MUC12: variants seen among roughly 807,000 people sequenced by gnomAD.
The protein encoded by MUC12 is mucin 12, cell surface associated.
MUC12 carries 172 observed loss-of-function variants against 230.8 expected under a neutral mutation model. The observed-to-expected ratio is 0.75, with a 90% CI of 0.66 to 0.85. The LOEUF (loss-of-function observed/expected upper bound fraction) is 0.85. Among genes scored for constraint, MUC12 ranks in the 40% least tolerant of loss-of-function variants. The pLI is 0.00. For missense variants in MUC12, 3,506 were observed against 5,920.6 expected (o/e 0.59, Z 13.38); for synonymous variants, 1,259 against 2,401.9 (o/e 0.52, Z 13.91).
chr7:101,012,145 G>A lies in MUC12; in HGVS notation c.15252-151G>A, dbSNP rs563071837. The A allele has an allele frequency of 1.1e-4, 78 of 728,082 alleles. 2 individuals are homozygous for A. The Middle Eastern group carries it at 1.4e-3, about 13-fold the overall frequency. The allele number at this position is 728,082 out of a possible 1,614,324, so 45.1% of individuals were successfully genotyped here. On this transcript the variant is annotated intron_variant, in intron 5 of 11. Coordinates refer to ENST00000536621, the MANE Select transcript of MUC12 (RefSeq NM_001164462.2). The stretch of plus-strand genomic sequence containing the variant: ...CGTTTCGCTCTCCTCCCTCTGTCTG[G>A]GTGGTTAGCTGCTGGAGGGAAGACT...
chr7:101,009,270 G>C, intron 5 of MUC12, 111 bp downstream of exon 5: 1 of 1,096,282 alleles, frequency 9.1e-7, no homozygotes, highest in South Asian at 1.4e-5. Flanking sequence ...TTGGGTCAGA[G>C]AGTCCTGCAG....
Position 101,002,764 on chromosome 7 carries a change from C to CGCTTGTGGAGCTGGCAGGGG in MUC12, c.12201_12202insGCTTGTGGAGCTGGCAGGGG (p.Ser4068AlafsTer124). 1 of 1,188,258 alleles carries CGCTTGTGGAGCTGGCAGGGG rather than the reference C, an allele frequency of 8.4e-7. No individual in the cohort carries two copies. Among genetic ancestry groups the CGCTTGTGGAGCTGGCAGGGG allele is most frequent in the Non-Finnish European group, 1.2e-6 (1 of 847,044 alleles). 73.6% of individuals were successfully genotyped at this position (1,188,258 alleles called of 1,614,324 possible). ...TACACACAACACTGACCCCTGCCAGCTCCACAAGCACTGGCCTTCAGGAAG... is the reference window on the plus strand; with the variant it reads ...TACACACAACACTGACCCCTGCCAGCGCTTGTGGAGCTGGCAGGGGTCCACAAGCACTGGCCTTCAGGAAG... On this transcript the variant is annotated frameshift_variant, in exon 2 of 12. Transcript: ENST00000536621. LOFTEE classifies it high-confidence loss of function.
chr7:101,004,339 C>T lies in MUC12; in HGVS notation c.13776C>T (p.Arg4592=), dbSNP rs755585514. The T allele has an allele frequency of 3.8e-6, 5 of 1,326,680 alleles. No individual in the cohort carries two copies. Among genetic ancestry groups the T allele is most frequent in the Non-Finnish European group, 5.0e-6 (5 of 999,498 alleles). The allele number at this position is 1,326,680 out of a possible 1,614,324, so 82.2% of individuals were successfully genotyped here. ...VATATTPSPA[R]STTSGLVEES... Reference sequence around the variant, plus strand: ...CTGCAACAACACCCTCGCCTGCCCGCTCCACAACCTCAGGCCTCGTTGAAG... The same window carrying T: ...CTGCAACAACACCCTCGCCTGCCCGTTCCACAACCTCAGGCCTCGTTGAAG... Residue 4592 remains arginine (R), a synonymous_variant, in exon 2 of 12, where the codon CGC becomes CGT. Transcript: ENST00000536621.
At position 101,004,755 on chromosome 7, in the gene MUC12, C is replaced by G. The variant is rs116139684; in HGVS notation, c.14192C>G (p.Thr4731Arg). The G allele has an allele frequency of 1.1e-4, 170 of 1,536,980 alleles. 1 individual carries two copies. The African/African-American group carries it at 2.0e-3, about 18-fold the overall frequency. The change falls in exon 2 of 12, where the codon ACA becomes AGA. Residue 4731 changes from threonine (T) to arginine (R), a missense_variant. Thr to Arg is a moderately conservative substitution (Grantham distance 71). Coordinates refer to ENST00000536621, the MANE Select transcript of MUC12 (RefSeq NM_001164462.2). ...METTLASTAT[T>R]PGLSAKSTIL... is the part of the protein sequence containing the mutation. ...ACAACATTAGCCAGCACTGCCACAACACCAGGCCTCAGTGCAAAATCTACC... is the reference window on the plus strand; with the variant it reads ...ACAACATTAGCCAGCACTGCCACAAGACCAGGCCTCAGTGCAAAATCTACC...
rs1307399158 is a variant in MUC12 at position 101,005,230 on chromosome 7, C to T, written c.14667C>T (p.His4889=). Residue 4889 remains histidine, a synonymous_variant, in exon 2 of 12, where the codon CAC becomes CAT. Coordinates refer to ENST00000536621, the MANE Select transcript of MUC12 (RefSeq NM_001164462.2). ...TPFPDSPGFT[H]TVLPATLTTT... ...TCCCTGACAGCCCAGGCTTCACTCA[C>T]ACAGTGTTACCTGCCACCCTCACAA... 14 of 1,537,740 alleles carry T rather than the reference C, an allele frequency of 9.1e-6. No homozygotes were observed. The Admixed American group carries it at 2.5e-4, about 28-fold the overall frequency.
chr7:100,982,556 C>G (rs1396234738), intron 1 of MUC12, among the ~76,000 whole-genome samples: 1 of 151,864 alleles, frequency 6.6e-6, no homozygotes, highest in Non-Finnish European at 1.5e-5. Flanking sequence ...CCCACCTCAG[C>G]CTCCCAAGTA....
Position 101,004,674 on chromosome 7 carries a change from C to T in MUC12, c.14111C>T (p.Thr4704Ile). ...ACACCCTTACCTGCCCATTTTACTA[C>T]CTCAGGCCGCATTGCAGAATCTACC... is the stretch of plus-strand genomic sequence containing the variant. ...GITPLPAHFT[T>I]SGRIAESTTF... The change falls in exon 2 of 12, where the codon ACC becomes ATC. Residue 4704 changes from threonine to isoleucine, a missense_variant. Physicochemically the swap from Thr to Ile is moderately conservative, Grantham distance 89. Coordinates refer to ENST00000536621, the MANE Select transcript of MUC12 (RefSeq NM_001164462.2). The T allele has an allele frequency of 1.3e-6, 2 of 1,537,894 alleles. No individual in the cohort carries two copies. The highest frequency in any genetic ancestry group is 1.4e-5 in the African/African-American group (1 of 73,152).
At chr7:100,984,882 T>G (rs929407494) in intron 1 of MUC12, among the ~76,000 whole-genome samples, 20 of 152,146 alleles carry the variant, frequency 1.3e-4, no homozygotes, top group African/African-American at 4.6e-4. Context: ...TTTATTTTTT[T>G]GGGATGGAGT....
At position 101,004,591 on chromosome 7, in the gene MUC12, C is replaced by A; in HGVS notation, c.14028C>A (p.Thr4676=). The A allele has an allele frequency of 6.5e-7, 1 of 1,536,908 alleles. No homozygotes were observed. The highest frequency in any genetic ancestry group is 8.7e-7 in the Non-Finnish European group (1 of 1,146,254). The change falls in exon 2 of 12, where the codon ACC becomes ACA. Residue 4676 remains threonine, a synonymous_variant. Transcript: ENST00000536621. The part of the protein sequence containing the change: ...ATTHFPESST[T]SGRSEESTAS... Reference sequence around the variant, plus strand: ...CACACTTTCCTGAGAGCTCCACAACCTCCGGCCGTAGTGAGGAATCAACAG... The same window carrying A: ...CACACTTTCCTGAGAGCTCCACAACATCCGGCCGTAGTGAGGAATCAACAG...
chr7:101,008,858 C>A, intron 4 of MUC12, 97 bp downstream of exon 4: 1 of 1,423,326 alleles, frequency 7.0e-7, no homozygotes, highest in South Asian at 1.4e-5. Flanking sequence ...TTCTTCTGCT[C>A]ATGAGCCCCC....
chr7:101,010,594 C>A (rs944672688), intron 5 of MUC12, among the ~76,000 whole-genome samples: 1 of 152,042 alleles, frequency 6.6e-6, no homozygotes, highest in African/African-American at 2.4e-5. Flanking sequence ...CGGCTCACTG[C>A]AGCTTCACCT....
chr7:101,008,570 A>G, intron 3 of MUC12, 64 bp from the exon 4 acceptor site: 3 of 1,492,066 alleles, frequency 2.0e-6, no homozygotes, highest in South Asian at 1.3e-5. Context: ...CAGAGAATGT[A>G]TCAATCCTGG....
chr7:101,014,606 T>C (rs1793888449), intron 9 of MUC12, among the ~76,000 whole-genome samples: 1 of 151,838 alleles, frequency 6.6e-6, no homozygotes, highest in South Asian at 2.1e-4. Flanking sequence ...GCCTCTCGAG[T>C]AGCTGGGATT....
At chr7:100,975,807 A>C (rs1466224269) in intron 1 of MUC12, among the ~76,000 whole-genome samples, 1 of 152,312 alleles carries the variant, frequency 6.6e-6, no homozygotes, top group Non-Finnish European at 1.5e-5. Context: ...CATTGTCTGA[A>C]CTTCCACAGA....
intron 5 of MUC12, among the ~76,000 whole-genome samples, chr7:101,011,793 A>G (rs1415260191): frequency 6.6e-6 from 1 of 152,106 alleles, no homozygotes; most frequent in Non-Finnish European, 1.5e-5. Context: ...TTGTCTGTTG[A>G]TGGACCCTTG....
At chr7:101,006,283 G>C (rs763658591) in intron 2 of MUC12, among the ~76,000 whole-genome samples, 188 bp from the exon 3 acceptor site, 2 of 152,154 alleles carry the variant, frequency 1.3e-5, no homozygotes, top group Non-Finnish European at 2.9e-5. Context: ...ACTCTCTGCT[G>C]TTCCTCCTCC....
intron 1 of MUC12, among the ~76,000 whole-genome samples, chr7:100,985,582 C>T (rs889544576): frequency 6.6e-6 from 1 of 152,184 alleles, no homozygotes; most frequent in Admixed American, 6.5e-5. Context: ...CAAGAATGAA[C>T]AAGGACAGCT....
chr7:101,013,698 C>G (rs1483727775), intron 8 of MUC12, among the ~76,000 whole-genome samples: 1 of 152,150 alleles, frequency 6.6e-6, no homozygotes, highest in Non-Finnish European at 1.5e-5. Context: ...GAGCCCTAGT[C>G]ATTTGAATTC....
chr7:100,972,269 A>G, intron 1 of MUC12: 1 of 700,480 alleles, frequency 1.4e-6, no homozygotes, highest in Non-Finnish European at 2.6e-6. Context: ...CAAATAATGA[A>G]CACGGCCACC....
Sources: allele counts gnomAD v4.1 joint callset (sites outside exome capture counted in the v4.1 genomes callset), GRCh38; gene constraint gnomAD v4.1.1; transcripts MANE v1.5; gene names NCBI Gene and HGNC (gene_info 2026-07-23, HGNC 2026-07-21).